Variants in LANCL3 observed in about 807,000 individuals in gnomAD.
LANCL3 encodes lanC-like protein 3.
In LANCL3, 19 loss-of-function variants were observed where a neutral mutation model predicts 26.5. That is an observed-to-expected ratio of 0.72 (90% CI 0.50 to 1.05). The LOEUF (loss-of-function observed/expected upper bound fraction) is 1.05, where lower values mean the gene tolerates loss of function less well. LANCL3 is among the 50% of genes least tolerant of loss of function. The pLI is 0.00. For synonymous variants in LANCL3, 160 were observed against 166.6 expected (o/e 0.96, Z 0.30); for missense variants, 318 against 362.7 (o/e 0.88, Z 1.00).
intron 1 of LANCL3, among the ~76,000 whole-genome samples, chrX:37,645,326 A>G (rs1209526460): frequency 1.8e-5 from 2 of 112,377 alleles, no homozygotes; most frequent in South Asian, 3.7e-4. Flanking sequence ...ATAATCATCA[A>G]CTAGAGCAAC....
chrX:37,654,977 CA>C (rs1251384087), intron 1 of LANCL3, among the ~76,000 whole-genome samples: 2 of 112,434 alleles, frequency 1.8e-5, no homozygotes, highest in Non-Finnish European at 3.8e-5. Context: ...CTAACCTGAG[CA>C]GAATCTTAAT....
Position 37,655,650 on chromosome X carries a change from T to C in LANCL3, c.574-38T>C, listed in dbSNP as rs782784033. 1.7e-5 allele frequency: 20 copies of C among 1,147,460 alleles called. No homozygotes were observed. In the South Asian group the frequency reaches 4.2e-4, roughly 24 times the overall value. 94.6% of individuals were successfully genotyped at this position (1,147,460 alleles called of 1,213,427 possible). On this transcript the variant is annotated intron_variant, in intron 1 of 4. Coordinates refer to ENST00000378619, the MANE Select transcript of LANCL3 (RefSeq NM_001170331.2). ...ATTCAGTGTCTAAGGAAAAAGGAGA[T>C]CCTGCTTTGACTTCTACTTCTGGAT...
chrX:37,596,913 A>T (rs1296579895), intron 1 of LANCL3, among the ~76,000 whole-genome samples: 1 of 112,162 alleles, frequency 8.9e-6, no homozygotes, highest in African/African-American at 3.2e-5. Context: ...AACCATTACC[A>T]CAGTCAATTT....
intron 1 of LANCL3, among the ~76,000 whole-genome samples, chrX:37,580,524 C>T (rs1384175502): frequency 8.9e-6 from 1 of 111,819 alleles, no homozygotes; most frequent in East Asian, 2.8e-4. Flanking sequence ...TATCCATCAC[C>T]TGGCATACTT....
At chrX:37,600,823 GC>G (rs1400052712) in intron 1 of LANCL3, among the ~76,000 whole-genome samples, 1 of 111,440 alleles carries the variant, frequency 9.0e-6, no homozygotes, top group Non-Finnish European at 1.9e-5. Context: ...GTGACAGGAT[GC>G]GAAACACTTT....
intron 1 of LANCL3, among the ~76,000 whole-genome samples, chrX:37,576,545 A>T (rs1923753042): frequency 8.9e-6 from 1 of 111,757 alleles, no homozygotes; most frequent in Non-Finnish European, 1.9e-5. Context: ...CCTCACCTGT[A>T]AATTGATTAA....
chrX:37,589,966 G>T (rs782578715), intron 1 of LANCL3, among the ~76,000 whole-genome samples: 2 of 112,593 alleles, frequency 1.8e-5, no homozygotes, highest in Admixed American at 9.4e-5. Flanking sequence ...ACAAGAACTT[G>T]TGTGAATTAC....
At chrX:37,665,647 G>A (rs1214651770) in intron 3 of LANCL3, among the ~76,000 whole-genome samples, 2 of 112,005 alleles carry the variant, frequency 1.8e-5, no homozygotes, top group Non-Finnish European at 3.8e-5. Context: ...GTCATGTTTA[G>A]CATTTATTCA....
intron 1 of LANCL3, among the ~76,000 whole-genome samples, chrX:37,621,184 A>G (rs1368169981): frequency 1.8e-5 from 2 of 112,265 alleles, no homozygotes; most frequent in Non-Finnish European, 3.8e-5. Context: ...TTTCATCATT[A>G]CTTAGCTCCT....
At chrX:37,579,795 C>A (rs188273963) in intron 1 of LANCL3, among the ~76,000 whole-genome samples, 1 of 111,066 alleles carries the variant, frequency 9.0e-6, no homozygotes, top group Non-Finnish European at 1.9e-5. Flanking sequence ...ATTTTTAAAA[C>A]ACAATTGCTG....
rs782394919 is a variant in LANCL3, at chrX:37,680,836, A to AGTGT, written c.*5040_*5043dup. 16 of 108,403 alleles carry AGTGT rather than the reference A, an allele frequency of 1.5e-4. No homozygotes were observed. The highest frequency in any genetic ancestry group is 8.6e-4 in the East Asian group (3 of 3,508). 8.9% of individuals were successfully genotyped at this position (108,403 alleles called of 1,213,427 possible). A position where few individuals can be genotyped will look rare whatever the true frequency, so the allele number is the denominator to read the frequency against. On this transcript the variant is annotated 3_prime_UTR_variant, in exon 5 of 5. Transcript: ENST00000378619. Reference sequence around the variant, plus strand: ...GAAAAAGTTTACCCCTCTGTGTGCGAGTGTGTGTGTGTGTGTGTGTAAGTA... The same window carrying AGTGT: ...GAAAAAGTTTACCCCTCTGTGTGCGAGTGTGTGTGTGTGTGTGTGTGTGTAAGTA...
At chrX:37,628,332 C>T (rs1431581844) in intron 1 of LANCL3, among the ~76,000 whole-genome samples, 7 of 111,036 alleles carry the variant, frequency 6.3e-5, no homozygotes, top group Non-Finnish European at 1.3e-4. Context: ...AATAAATTGC[C>T]TGTACTCTTC....
chrX:37,668,491 T>A (rs1467440677), intron 4 of LANCL3: 1 of 327,673 alleles, frequency 3.1e-6, no homozygotes, highest in African/African-American at 2.7e-5. Flanking sequence ...ATAAATGAAC[T>A]CTAAATAATC....
intron 1 of LANCL3, among the ~76,000 whole-genome samples, chrX:37,587,430 G>A (rs187873481): frequency 8.9e-6 from 1 of 112,773 alleles, no homozygotes; most frequent in Non-Finnish European, 1.9e-5. Context: ...TCCTTGAGCT[G>A]CGGTGGGCTC....
Position 37,679,081 on chromosome X carries a change from C to A in LANCL3, c.*3268C>A. On this transcript the variant is annotated 3_prime_UTR_variant, in exon 5 of 5. Transcript: ENST00000378619. ...AGTCTTGCTCTGCCACTTTTAGGGG[C>A]CACTGTAGTAATAATAATAATCACC... The A allele has an allele frequency of 9.0e-6, 1 of 111,429 alleles. No individual in the cohort carries two copies. 9.2% of individuals were successfully genotyped at this position (111,429 alleles called of 1,213,427 possible).
At chrX:37,668,335 A>G (rs1012910514) in intron 4 of LANCL3, 1 of 282,129 alleles carries the variant, frequency 3.5e-6, no homozygotes, top group Non-Finnish European at 6.5e-6. Context: ...ATATATATTT[A>G]TAATTTTGAC....
At chrX:37,642,059 A>G (rs1345261249) in intron 1 of LANCL3, among the ~76,000 whole-genome samples, 3 of 111,778 alleles carry the variant, frequency 2.7e-5, no homozygotes, top group Non-Finnish European at 3.8e-5. Context: ...GGCAGCAAAG[A>G]GTGTTTTCTA....
intron 1 of LANCL3, among the ~76,000 whole-genome samples, chrX:37,623,771 A>G (rs1358437997): frequency 8.9e-6 from 1 of 112,239 alleles, no homozygotes; most frequent in African/African-American, 3.2e-5. Flanking sequence ...CCCAGTATCC[A>G]GTTCTCATTC....
Position 37,677,105 on chromosome X carries a change from T to TA in LANCL3, c.*1293dup, listed in dbSNP as rs1376288984. 3 of 109,958 alleles carry TA rather than the reference T, an allele frequency of 2.7e-5. No individual in the cohort carries two copies. The highest frequency in any genetic ancestry group is 3.8e-5 in the Non-Finnish European group (2 of 52,763). The allele number at this position is 109,958 out of a possible 1,213,427, so 9.1% of individuals were successfully genotyped here. On this transcript the variant is annotated 3_prime_UTR_variant, in exon 5 of 5. Coordinates refer to ENST00000378619, the MANE Select transcript of LANCL3 (RefSeq NM_001170331.2). The stretch of plus-strand genomic sequence containing the variant: ...AGGAAATTGTGTACTGTATAAGACT[T>TA]ATTTAAATAGTCATTAAATATTTGG...
Sources: gnomAD v4.1 joint callset for allele counts (sites outside exome capture counted in the v4.1 genomes callset) on GRCh38, gnomAD v4.1.1 for gene constraint, MANE v1.5 for transcripts, NCBI Gene and HGNC (gene_info 2026-07-23, HGNC 2026-07-21) for gene names.